FAM227B: variants seen among roughly 807,000 people sequenced by gnomAD.
The protein encoded by FAM227B is family with sequence similarity 227 member B.
FAM227B carries 88 observed loss-of-function variants against 73.8 expected under a neutral mutation model. That is an observed-to-expected ratio of 1.19 (90% CI 1.00 to 1.42). The LOEUF (loss-of-function observed/expected upper bound fraction) is 1.42. FAM227B is among the 40% of genes most tolerant of loss of function. The probability of loss-of-function intolerance (pLI) is 0.00; values close to 1 mark genes in which losing one functional copy is unlikely to be tolerated. For synonymous variants in FAM227B, 210 were observed against 190.5 expected (o/e 1.10, Z -0.84); for missense variants, 632 against 590.9 (o/e 1.07, Z -0.72).
At chr15:49,535,820 T>A (rs939934622) in intron 10 of FAM227B, among the ~76,000 whole-genome samples, 2 of 151,752 alleles carry the variant, frequency 1.3e-5, no homozygotes, top group Admixed American at 1.3e-4. Flanking sequence ...AGCCTCATGA[T>A]CATATTAATT....
At chr15:49,334,443 G>C (rs1026870392) in intron 14 of FAM227B, 1 of 154,766 alleles carries the variant, frequency 6.5e-6, no homozygotes, top group Admixed American at 6.6e-5. Context: ...TTAGTGTAAA[G>C]AACCCCTCAG....
Position 49,328,220 on chromosome 15 carries a change from G to A in FAM227B, c.*348C>T. The A allele has an allele frequency of 6.5e-7, 1 of 1,536,472 alleles. No individual in the cohort carries two copies. Among genetic ancestry groups the A allele is most frequent in the Non-Finnish European group, 8.8e-7 (1 of 1,139,282 alleles). On this transcript the variant is annotated 3_prime_UTR_variant, in exon 16 of 16. Transcript: ENST00000299338. ...CACTTAGGAATTGGCAGGACTTTCT[G>A]TGCCACAGTAAATTAATCTTCCTTC...
chr15:49,344,101 C>T (rs918995222), intron 13 of FAM227B: 6 of 151,932 alleles, frequency 3.9e-5, no homozygotes, highest in African/African-American at 7.3e-5. Context: ...ATTGAAGCAG[C>T]GAAAACTAAA....
intron 11 of FAM227B, chr15:49,434,716 G>A (rs914783125): frequency 2.0e-4 from 30 of 151,182 alleles, no homozygotes; most frequent in Non-Finnish European, 4.0e-4. Flanking sequence ...TGCATGCTTC[G>A]AATGATTGCT....
In FAM227B at chr15:49,328,378, A is replaced by T. The variant is rs186777348; in HGVS notation, c.*190T>A. 8.8e-4 allele frequency: 1,254 copies of T among 1,424,066 alleles called. 8 individuals are homozygous for T. The African/African-American group carries it at 0.016, about 18-fold the overall frequency. The allele number at this position is 1,424,066 out of a possible 1,614,324, so 88.2% of individuals were successfully genotyped here. A position where few individuals can be genotyped will look rare whatever the true frequency, so the allele number is the denominator to read the frequency against. ...GGTTTTACTATTAAGAGCCAAGATC[A>T]TGCTTGGACAGATCTTTTAAGAATA... On this transcript the variant is annotated 3_prime_UTR_variant, in exon 16 of 16. Coordinates refer to ENST00000299338, the MANE Select transcript of FAM227B (RefSeq NM_152647.3).
At chr15:49,545,718 T>C (rs1384642574) in intron 9 of FAM227B, among the ~76,000 whole-genome samples, 1 of 152,194 alleles carries the variant, frequency 6.6e-6, no homozygotes, top group African/African-American at 2.4e-5. Flanking sequence ...TCAAAGAATT[T>C]TAAAATTTTC....
intron 3 of FAM227B, among the ~76,000 whole-genome samples, chr15:49,595,574 G>A (rs1437877363): frequency 1.3e-5 from 2 of 151,926 alleles, no homozygotes; most frequent in African/African-American, 4.8e-5. Flanking sequence ...AATGTTGGCT[G>A]TGGGTTTGAC....
intron 11 of FAM227B, among the ~76,000 whole-genome samples, chr15:49,501,966 A>G (rs1238766841): frequency 3.9e-5 from 6 of 152,356 alleles, no homozygotes; most frequent in African/African-American, 1.4e-4. Context: ...GCCACTTTGG[A>G]GAATGCAAGC....
intron 3 of FAM227B, among the ~76,000 whole-genome samples, chr15:49,602,899 A>G (rs1480344216): frequency 6.6e-6 from 1 of 152,148 alleles, no homozygotes; most frequent in African/African-American, 2.4e-5. Flanking sequence ...TTATTGAAGA[A>G]ACTGTCCTTT....
chr15:49,337,508 C>CTTTTTT (rs33973907), intron 13 of FAM227B, among the ~76,000 whole-genome samples: 1 of 36,084 alleles, frequency 2.8e-5, no homozygotes, highest in East Asian at 7.0e-4. Flanking sequence ...CATTTACCCA[C>CTTTTTT]TTTTTTTTTT....
At chr15:49,566,694 C>G (rs2074686565) in intron 9 of FAM227B, among the ~76,000 whole-genome samples, 1 of 152,258 alleles carries the variant, frequency 6.6e-6, no homozygotes, top group African/African-American at 2.4e-5. Context: ...AGGCAGGTGG[C>G]TCTCACACAT....
chr15:49,600,559 C>T (rs868575363), intron 3 of FAM227B, among the ~76,000 whole-genome samples: 2 of 149,854 alleles, frequency 1.3e-5, no homozygotes, highest in Middle Eastern at 3.6e-3. Context: ...GAGGCTGAGG[C>T]AGGGAGAATC....
At chr15:49,380,259 G>T (rs1183149174) in intron 11 of FAM227B, among the ~76,000 whole-genome samples, 1 of 152,126 alleles carries the variant, frequency 6.6e-6, no homozygotes. Context: ...CCTGGCCTGG[G>T]CCTCACCCTT....
intron 7 of FAM227B, chr15:49,576,098 CT>C (rs1220127150): frequency 6.6e-6 from 1 of 152,126 alleles, no homozygotes; most frequent in East Asian, 1.9e-4. Flanking sequence ...TCATAGGCCA[CT>C]AAGTATAGTA....
intron 3 of FAM227B, among the ~76,000 whole-genome samples, chr15:49,600,811 G>C (rs1023488090): frequency 3.3e-5 from 5 of 151,768 alleles, no homozygotes; most frequent in Non-Finnish European, 5.9e-5. Flanking sequence ...GGGAGGTTGA[G>C]GTGGGCGAAT....
At chr15:49,604,965 T>A (rs1250616523) in intron 3 of FAM227B, among the ~76,000 whole-genome samples, 1 of 152,136 alleles carries the variant, frequency 6.6e-6, no homozygotes, top group African/African-American at 2.4e-5. Flanking sequence ...CTGATTTTCT[T>A]TGTGTTCTCT....
intron 10 of FAM227B, among the ~76,000 whole-genome samples, chr15:49,522,349 T>A (rs1443430906): frequency 6.6e-6 from 1 of 152,192 alleles, no homozygotes; most frequent in Non-Finnish European, 1.5e-5. Flanking sequence ...GCTTCTTCAG[T>A]TGAGAAGGAT....
chr15:49,520,094 G>C (rs186097603), intron 10 of FAM227B, among the ~76,000 whole-genome samples: 14 of 152,242 alleles, frequency 9.2e-5, no homozygotes, highest in Admixed American at 4.6e-4. Flanking sequence ...AGATCTCTAA[G>C]GTAGGGGGAA....
Position 49,592,844 on chromosome 15 carries a change from C to G in FAM227B, c.106-2837G>C, listed in dbSNP as rs1386696375. ...CCTTGCTGAGCTGCAGTGGGCTCCA[C>G]CCAGTTCAAGCTTCCTGCCCACTTT... On this transcript the variant is annotated intron_variant, in intron 3 of 15. Coordinates refer to ENST00000299338, the MANE Select transcript of FAM227B (RefSeq NM_152647.3). 2.0e-5 allele frequency among the ~76,000 whole-genome samples: 3 copies of G among 152,338 alleles called. No individual in the cohort carries two copies. In the East Asian group the frequency reaches 5.8e-4, roughly 29 times the overall value.
Sources: allele counts gnomAD v4.1 joint callset (sites outside exome capture counted in the v4.1 genomes callset), GRCh38; gene constraint gnomAD v4.1.1; transcripts MANE v1.5; gene names NCBI Gene and HGNC (gene_info 2026-07-23, HGNC 2026-07-21).